The following GLI2 variants were observed in gnomAD, a reference collection of about 807,000 sequenced individuals.
GLI2 encodes GLI family zinc finger 2.
In GLI2, 22 loss-of-function variants were observed where a neutral mutation model predicts 78.9. The ratio of observed to expected loss-of-function variants is 0.28; its 90% confidence interval spans 0.20 to 0.40. The LOEUF is 0.40. Among genes scored for constraint, GLI2 ranks in the 10% least tolerant of loss-of-function variants. The pLI is 1.00. For missense variants in GLI2, 2,097 were observed against 2,213.2 expected, an observed-to-expected ratio of 0.95 and a Z score of 1.05; for synonymous variants, 974 against 963.7, an observed-to-expected ratio of 1.01 and a Z score of -0.20.
At chr2:120,878,471 C>T (rs574447561) in intron 2 of GLI2, among the ~76,000 whole-genome samples, 1 of 152,174 alleles carries the variant, frequency 6.6e-6, no homozygotes, top group Non-Finnish European at 1.5e-5. Context: ...TAGCTATGGA[C>T]TGAGACAGTA....
At chr2:120,976,289 C>T (rs1054273585) in intron 9 of GLI2, among the ~76,000 whole-genome samples, 2 of 152,196 alleles carry the variant, frequency 1.3e-5, no homozygotes, top group African/African-American at 4.8e-5. Flanking sequence ...TTAGGACACG[C>T]CGACTCCCTC....
intron 2 of GLI2, among the ~76,000 whole-genome samples, chr2:120,887,480 C>T (rs6727671): frequency 0.044 from 6,736 of 152,350 alleles, 520 homozygotes; most frequent in African/African-American, 0.15. Context: ...GCCCACTCCC[C>T]GCGCTGGCGA....
At chr2:120,977,098 G>A (rs564526942) in intron 9 of GLI2, among the ~76,000 whole-genome samples, 9 of 152,332 alleles carry the variant, frequency 5.9e-5, no homozygotes, top group East Asian at 1.9e-4. Flanking sequence ...TGGGCGAGTC[G>A]CACAGGGCAT....
intron 1 of GLI2, among the ~76,000 whole-genome samples, chr2:120,768,828 T>C (rs564061105): frequency 2.7e-4 from 40 of 150,526 alleles, no homozygotes; most frequent in East Asian, 5.9e-4. Context: ...TGTGTGTGTG[T>C]GCGTGTGTGT....
intron 10 of GLI2, among the ~76,000 whole-genome samples, chr2:120,979,972 ACTTT>A (rs758934481): frequency 1.7e-4 from 26 of 152,340 alleles, no homozygotes; most frequent in African/African-American, 4.8e-4. Flanking sequence ...ATGCACGCGT[ACTTT>A]CTTTCTTTTT....
intron 1 of GLI2, among the ~76,000 whole-genome samples, chr2:120,774,153 A>C (rs1206235286): frequency 6.6e-6 from 1 of 152,054 alleles, no homozygotes; most frequent in Non-Finnish European, 1.5e-5. Flanking sequence ...CCAGATCTCA[A>C]CCCAGAGTCT....
intron 2 of GLI2, among the ~76,000 whole-genome samples, chr2:120,829,629 G>C (rs535928066): frequency 6.6e-6 from 1 of 152,182 alleles, no homozygotes; most frequent in East Asian, 1.9e-4. Flanking sequence ...GGCTGATATC[G>C]TCATTATTAT....
intron 13 of GLI2, among the ~76,000 whole-genome samples, chr2:120,987,118 G>A (rs1258742357): frequency 4.6e-5 from 7 of 152,252 alleles, no homozygotes; most frequent in African/African-American, 1.4e-4. Flanking sequence ...GGATGAGCAG[G>A]GAGGACTTCA....
chr2:120,883,854 C>T (rs1051721962), intron 2 of GLI2, among the ~76,000 whole-genome samples: 9 of 152,114 alleles, frequency 5.9e-5, no homozygotes, highest in African/African-American at 1.7e-4. Context: ...AGAAGAAAGC[C>T]GCTAGATCCA....
intron 1 of GLI2, among the ~76,000 whole-genome samples, chr2:120,750,294 T>A (rs2104631490): frequency 6.6e-6 from 1 of 152,344 alleles, no homozygotes. Context: ...GTGCTGCACT[T>A]CCGCATAAGC....
chr2:120,845,205 G>A (rs1687056668), intron 2 of GLI2, among the ~76,000 whole-genome samples: 1 of 152,120 alleles, frequency 6.6e-6, no homozygotes, highest in Admixed American at 6.5e-5. Context: ...CCCGGGAGGT[G>A]GAGGTTGCAG....
intron 1 of GLI2, among the ~76,000 whole-genome samples, chr2:120,761,995 C>T (rs558526311): frequency 2.0e-4 from 31 of 152,346 alleles, no homozygotes; most frequent in Admixed American, 9.8e-4. Flanking sequence ...TTCCCAGTGC[C>T]GCTTTGCTTC....
chr2:120,888,620 G>A (rs1232241647), intron 2 of GLI2, among the ~76,000 whole-genome samples: 1 of 152,076 alleles, frequency 6.6e-6, no homozygotes, highest in Non-Finnish European at 1.5e-5. Context: ...TGTGGTGGGT[G>A]GGGAGATTGT....
In GLI2 at chr2:120,879,336, T is replaced by A. The variant is rs146029056; in HGVS notation, c.149-48025T>A. Reference sequence around the variant, plus strand: ...GTGTTGGGAAGGGCTGGAGAGTCAGTTGCAGCCAGGTCTGGAGGGGCTGTG... The same window carrying A: ...GTGTTGGGAAGGGCTGGAGAGTCAGATGCAGCCAGGTCTGGAGGGGCTGTG... On this transcript the variant is annotated intron_variant, in intron 2 of 13. Transcript: ENST00000361492. Among the ~76,000 whole-genome samples the A allele has an allele frequency of 5.0e-4, 76 of 152,264 alleles. No individual in the cohort carries two copies. In the East Asian group the frequency reaches 0.014, roughly 27 times the overall value.
intron 3 of GLI2, among the ~76,000 whole-genome samples, chr2:120,949,928 C>G (rs1337979966): frequency 6.6e-6 from 1 of 152,212 alleles, no homozygotes; most frequent in African/African-American, 2.4e-5. Flanking sequence ...ACAGACAAAT[C>G]ATTTCCTCCC....
chr2:120,852,077 A>T (rs1228889896), intron 2 of GLI2, among the ~76,000 whole-genome samples: 1 of 152,062 alleles, frequency 6.6e-6, no homozygotes, highest in Non-Finnish European at 1.5e-5. Context: ...AAGGAGCCTG[A>T]CTCCACACTA....
At position 120,990,800 on chromosome 2, in the gene GLI2, G is replaced by A; in HGVS notation, c.*125G>A. 5 of 701,242 alleles carry A rather than the reference G, an allele frequency of 7.1e-6. No individual in the cohort carries two copies. Among genetic ancestry groups the A allele is most frequent in the Admixed American group, 2.7e-5 (1 of 36,460 alleles). 43.4% of individuals were successfully genotyped at this position (701,242 alleles called of 1,614,324 possible). A position where few individuals can be genotyped will look rare whatever the true frequency, so the allele number is the denominator to read the frequency against. On this transcript the variant is annotated 3_prime_UTR_variant, in exon 14 of 14. Transcript: ENST00000361492. ...AGGCTTGAGGGGTTGTTGCGCAATG[G>A]CCGCTTCAGATGACAGATGTTGTAA...
At chr2:120,919,782 C>T (rs1679278156) in intron 2 of GLI2, among the ~76,000 whole-genome samples, 1 of 152,254 alleles carries the variant, frequency 6.6e-6, no homozygotes, top group Non-Finnish European at 1.5e-5. Flanking sequence ...CTCATGCGCC[C>T]TTCCTTGATT....
chr2:120,990,310 T>G lies in GLI2; in HGVS notation c.4345T>G (p.Cys1449Gly), dbSNP rs1683232545. 6.2e-7 allele frequency: 1 copy of G among 1,613,540 alleles called. No individual in the cohort carries two copies. The highest frequency in any genetic ancestry group is 1.3e-5 in the African/African-American group (1 of 74,904). The change falls in exon 14 of 14, where the codon TGC becomes GGC. Residue 1449 changes from cysteine (C) to glycine (G), a missense_variant. By Grantham distance (159) the Cys-to-Gly change is radical. Around this residue, in one of 5 missense-constraint regions of GLI2, gnomAD observed 1,290 missense variants for 1,261.7 expected, o/e 1.02. Coordinates refer to ENST00000361492, the MANE Select transcript of GLI2 (RefSeq NM_001374353.1). ...QDGGLENLGS[C>G]QVMRSQPPQP... Reference sequence around the variant, plus strand: ...TGGAGGCCTGGAGAACCTCGGGAGCTGCCAGGTCATGCGGTCCCAGCCACC... The same window carrying G: ...TGGAGGCCTGGAGAACCTCGGGAGCGGCCAGGTCATGCGGTCCCAGCCACC...
Sources: gnomAD v4.1 joint callset for allele counts (sites outside exome capture counted in the v4.1 genomes callset) on GRCh38, gnomAD v4.1.1 for gene constraint, gnomAD v4.1.1 regional missense constraint, MANE v1.5 for transcripts, NCBI Gene and HGNC (gene_info 2026-07-23, HGNC 2026-07-21) for gene names.